The following MAPK4 variants were observed in gnomAD, a reference collection of about 807,000 sequenced individuals.
MAPK4 encodes Erk3-related.
Under a neutral mutation model 47.7 loss-of-function variants are expected in MAPK4, and 22 were observed. The ratio of observed to expected loss-of-function variants is 0.46; its 90% CI spans 0.33 to 0.66. The LOEUF (loss-of-function observed/expected upper bound fraction) is 0.66, where lower values mean the gene tolerates loss of function less well. Ranked by LOEUF, MAPK4 falls within the 30% of genes least tolerant of loss-of-function variation. The pLI is 0.02. For missense variants in MAPK4, 736 were observed against 831.7 expected (o/e 0.88, Z 1.42); for synonymous variants, 390 against 365.7 (o/e 1.07, Z -0.76).
At chr18:50,654,941 C>A (rs146265064) in intron 1 of MAPK4, among the ~76,000 whole-genome samples, 2 of 152,212 alleles carry the variant, frequency 1.3e-5, no homozygotes, top group South Asian at 4.1e-4. Context: ...AAAGCCTGAA[C>A]GCTCCTGGAG....
At chr18:50,631,812 T>C (rs1007131720) in intron 1 of MAPK4, among the ~76,000 whole-genome samples, 1 of 152,168 alleles carries the variant, frequency 6.6e-6, no homozygotes, top group African/African-American at 2.4e-5. Flanking sequence ...AGTTGTCTGA[T>C]TAGAATGTGT....
intron 1 of MAPK4, among the ~76,000 whole-genome samples, chr18:50,571,773 A>G (rs540297214): frequency 6.6e-6 from 1 of 152,306 alleles, no homozygotes; most frequent in East Asian, 1.9e-4. Context: ...TCAATAACAT[A>G]TGTGAAAGCC....
intron 2 of MAPK4, among the ~76,000 whole-genome samples, chr18:50,677,851 C>T (rs1015503343): frequency 5.3e-5 from 8 of 152,160 alleles, no homozygotes; most frequent in Non-Finnish European, 1.0e-4. Flanking sequence ...CCCTGCACCT[C>T]CCAGGTCTAT....
chr18:50,708,329 G>A (rs1009206506), intron 2 of MAPK4, among the ~76,000 whole-genome samples: 3 of 152,172 alleles, frequency 2.0e-5, no homozygotes, highest in Admixed American at 6.5e-5. Flanking sequence ...ATCTTTTGAT[G>A]AGTGTCTGTA....
chr18:50,605,415 G>A (rs2042574113), intron 1 of MAPK4, among the ~76,000 whole-genome samples: 1 of 152,160 alleles, frequency 6.6e-6, no homozygotes, highest in South Asian at 2.1e-4. Context: ...GGGATCTTGA[G>A]GAAACATGGG....
chr18:50,728,631 A>T (rs1438226564), intron 5 of MAPK4, among the ~76,000 whole-genome samples: 2 of 152,204 alleles, frequency 1.3e-5, no homozygotes, highest in Non-Finnish European at 2.9e-5. Flanking sequence ...AATCTGATCC[A>T]GGGTTGAGAA....
At chr18:50,567,223 A>C (rs1178208437) in intron 1 of MAPK4, among the ~76,000 whole-genome samples, 1 of 152,018 alleles carries the variant, frequency 6.6e-6, no homozygotes, top group Admixed American at 6.6e-5. Context: ...TATTTCTTCT[A>C]ATGCTATCCC....
intron 4 of MAPK4, 103 bp downstream of exon 4, chr18:50,722,202 T>G: frequency 7.6e-7 from 1 of 1,315,940 alleles, no homozygotes; most frequent in Non-Finnish European, 1.0e-6. Flanking sequence ...GGGCAAAGCA[T>G]GGTCCTTGGA....
intron 5 of MAPK4, among the ~76,000 whole-genome samples, chr18:50,727,442 C>T (rs1169085230): frequency 6.6e-6 from 1 of 152,196 alleles, no homozygotes; most frequent in African/African-American, 2.4e-5. Flanking sequence ...TATTTTTGGA[C>T]AGGTTTGCTG....
chr18:50,577,428 A>C (rs572753728), intron 1 of MAPK4, among the ~76,000 whole-genome samples: 2 of 152,288 alleles, frequency 1.3e-5, no homozygotes, highest in Non-Finnish European at 2.9e-5. Flanking sequence ...GGGCGTTTTT[A>C]AAATACCGAT....
chr18:50,688,492 A>G (rs1236291628), intron 2 of MAPK4, among the ~76,000 whole-genome samples: 1 of 152,220 alleles, frequency 6.6e-6, no homozygotes, highest in Non-Finnish European at 1.5e-5. Context: ...CTGACTCTTC[A>G]AGAAAGGCAA....
At chr18:50,712,530 G>C (rs1471861472) in intron 2 of MAPK4, among the ~76,000 whole-genome samples, 1 of 129,370 alleles carries the variant, frequency 7.7e-6, no homozygotes, top group African/African-American at 2.9e-5. Flanking sequence ...AATTCAGCAG[G>C]CTCTTGTTTT....
chr18:50,583,050 T>C (rs1041868437), intron 1 of MAPK4, among the ~76,000 whole-genome samples: 5 of 152,180 alleles, frequency 3.3e-5, no homozygotes, highest in African/African-American at 1.2e-4. Flanking sequence ...GAGTTCTGGG[T>C]TCATGTCCTG....
At position 50,663,753 on chromosome 18, in the gene MAPK4, C is replaced by T; in HGVS notation, c.-206C>T. ...ATGCAGGTTAAGACGACAGCCTGCG[C>T]CCCCAACTAGCACAGCTCAGCGAGC... On this transcript the variant is annotated 5_prime_UTR_variant, in exon 2 of 6. Transcript: ENST00000400384. 3 of 501,966 alleles carry T rather than the reference C, an allele frequency of 6.0e-6. No individual in the cohort carries two copies. The highest frequency in any genetic ancestry group is 1.1e-5 in the Non-Finnish European group (3 of 284,288). The allele number at this position is 501,966 out of a possible 1,614,324, so 31.1% of individuals were successfully genotyped here. A position where few individuals can be genotyped will look rare whatever the true frequency, so the allele number is the denominator to read the frequency against.
intron 1 of MAPK4, among the ~76,000 whole-genome samples, chr18:50,590,268 TA>T (rs1477999857): frequency 1.3e-5 from 2 of 151,456 alleles, no homozygotes; most frequent in African/African-American, 4.9e-5. Context: ...GAGATACACA[TA>T]TTTTTTAATT....
In MAPK4 at chr18:50,666,217, G is replaced by A. The variant is rs539635756; in HGVS notation, c.546+1713G>A. Among the ~76,000 whole-genome samples, 14 of 152,286 alleles carry A rather than the reference G, an allele frequency of 9.2e-5. No homozygotes were observed. In the South Asian group the frequency reaches 2.1e-3, roughly 23 times the overall value. ...TTTATTGTGGCGTAAACTGGCTATC[G>A]CAATAATTCTTTGGGGGTGACATGG... On this transcript the variant is annotated intron_variant, in intron 2 of 5. Transcript: ENST00000400384.
chr18:50,614,374 A>T (rs2042665927), intron 1 of MAPK4, among the ~76,000 whole-genome samples: 1 of 152,158 alleles, frequency 6.6e-6, no homozygotes, highest in South Asian at 2.1e-4. Flanking sequence ...CAAAAATTTT[A>T]AACAGTATTT....
At chr18:50,686,313 G>A (rs2144331677) in intron 2 of MAPK4, among the ~76,000 whole-genome samples, 1 of 152,298 alleles carries the variant, frequency 6.6e-6, no homozygotes, top group South Asian at 2.1e-4. Flanking sequence ...TTCCCTGGCA[G>A]CTATGTACCC....
intron 1 of MAPK4, among the ~76,000 whole-genome samples, chr18:50,657,027 G>T (rs2043117444): frequency 6.6e-6 from 1 of 152,194 alleles, no homozygotes; most frequent in Admixed American, 6.5e-5. Flanking sequence ...TGCCAGCAAG[G>T]TCCCACACTC....
Sources: allele counts gnomAD v4.1 joint callset (sites outside exome capture counted in the v4.1 genomes callset), GRCh38; gene constraint gnomAD v4.1.1; transcripts MANE v1.5; gene names NCBI Gene and HGNC (gene_info 2026-07-23, HGNC 2026-07-21).